Variants in CACNG6 observed in about 807,000 individuals in gnomAD.
CACNG6 encodes voltage-dependent calcium channel gamma-6 subunit.
A neutral mutation model predicts 23.9 loss-of-function variants in CACNG6; 21 were observed. The observed-to-expected ratio is 0.88, with a 90% CI of 0.62 to 1.26. The LOEUF is 1.26. CACNG6 is among the 50% of genes most tolerant of loss of function. The pLI, the probability that CACNG6 is intolerant of heterozygous loss-of-function variation, is 0.00. For synonymous variants in CACNG6, 182 were observed against 168.9 expected, an observed-to-expected ratio of 1.08 and a Z score of -0.60; for missense variants, 340 against 352.9, an observed-to-expected ratio of 0.96 and a Z score of 0.29.
Position 54,003,366 on chromosome 19 carries a change from T to G in CACNG6, c.544+3595T>G, listed in dbSNP as rs550275281. Among the ~76,000 whole-genome samples the G allele has an allele frequency of 2.1e-4, 32 of 152,240 alleles. 1 individual carries two copies. The highest frequency in any genetic ancestry group is 2.8e-4 in the Non-Finnish European group (19 of 68,030). On this transcript the variant is annotated intron_variant, in intron 3 of 3. Transcript: ENST00000252729. ...CCGCATGCCTTTTTATTTATTTTATTTATTTTTTATTTTTGAGACAGTTTT... is the reference window on the plus strand; with the variant it reads ...CCGCATGCCTTTTTATTTATTTTATGTATTTTTTATTTTTGAGACAGTTTT...
chr19:54,011,001 T>C (rs2069700396), intron 3 of CACNG6, among the ~76,000 whole-genome samples: 1 of 151,522 alleles, frequency 6.6e-6, no homozygotes, highest in South Asian at 2.1e-4. Context: ...TATCCACCTC[T>C]TCAAACTTGA....
chr19:53,999,402 A>G lies in CACNG6; in HGVS notation c.407-232A>G, dbSNP rs578107216. On this transcript the variant is annotated intron_variant, in intron 2 of 3. Coordinates refer to ENST00000252729, the MANE Select transcript of CACNG6 (RefSeq NM_145814.2). Reference sequence around the variant, plus strand: ...TAGTTGGTAATTCTCAACTCTTTCTAATCCTGGCCCTCTCCTCCCTTTGCT... The same window carrying G: ...TAGTTGGTAATTCTCAACTCTTTCTGATCCTGGCCCTCTCCTCCCTTTGCT... Among the ~76,000 whole-genome samples, 7 of 152,312 alleles carry G rather than the reference A, an allele frequency of 4.6e-5. No homozygotes were observed. The South Asian group carries it at 1.5e-3, about 32-fold the overall frequency.
intron 3 of CACNG6, among the ~76,000 whole-genome samples, chr19:54,009,646 C>T (rs1174854737): frequency 1.3e-5 from 2 of 152,018 alleles, no homozygotes; most frequent in East Asian, 1.9e-4. Context: ...TACACTTTCT[C>T]ATGCCCCCTG....
chr19:54,006,526 T>C (rs956931640), intron 3 of CACNG6, among the ~76,000 whole-genome samples: 5 of 132,064 alleles, frequency 3.8e-5, no homozygotes, highest in Non-Finnish European at 7.8e-5. Context: ...TCTTTTCTTT[T>C]TTTTTTTTTT....
At chr19:53,995,659 C>G (rs2069513430) in intron 1 of CACNG6, among the ~76,000 whole-genome samples, 1 of 152,210 alleles carries the variant, frequency 6.6e-6, no homozygotes, top group South Asian at 2.1e-4. Context: ...ACGTGAAGCA[C>G]CCTTTACCTC....
chr19:54,010,145 C>G (rs923900788), intron 3 of CACNG6, among the ~76,000 whole-genome samples: 1 of 150,532 alleles, frequency 6.6e-6, no homozygotes, highest in Non-Finnish European at 1.5e-5. Flanking sequence ...CTCAGCCTCC[C>G]GAGTAGCTGG....
intron 1 of CACNG6, among the ~76,000 whole-genome samples, chr19:53,995,442 G>A (rs1178597986): frequency 6.6e-6 from 1 of 152,162 alleles, no homozygotes; most frequent in African/African-American, 2.4e-5. Context: ...TATGGAATGT[G>A]GGGGTGACCC....
intron 1 of CACNG6, among the ~76,000 whole-genome samples, chr19:53,995,693 C>T (rs149464526): frequency 6.6e-6 from 1 of 152,356 alleles, no homozygotes; most frequent in East Asian, 1.9e-4. Flanking sequence ...TGGAGTTTTG[C>T]TCTTGTTGCC....
chr19:53,999,767 C>G lies in CACNG6; in HGVS notation c.540C>G (p.Leu180=), dbSNP rs765070116. ...GAGTTGGAGCCGTCTGCTTTGGCCTCTCAGGTGAGGGTTCAGAGCCTGGAG... is the reference window on the plus strand; with the variant it reads ...GAGTTGGAGCCGTCTGCTTTGGCCTGTCAGGTGAGGGTTCAGAGCCTGGAG... The part of the protein sequence containing the change: ...LLRVGAVCFG[L]SGLLLLVSLE... The change falls in exon 3 of 4, where the codon CTC becomes CTG. Residue 180 remains leucine, a synonymous_variant. Coordinates refer to ENST00000252729, the MANE Select transcript of CACNG6 (RefSeq NM_145814.2). 1.2e-6 allele frequency: 2 copies of G among 1,613,760 alleles called. No homozygotes were observed. Among genetic ancestry groups the G allele is most frequent in the Non-Finnish European group, 1.7e-6 (2 of 1,179,968 alleles).
intron 1 of CACNG6, among the ~76,000 whole-genome samples, chr19:53,995,514 T>TA (rs1364549915): frequency 1.3e-5 from 2 of 152,158 alleles, no homozygotes; most frequent in Non-Finnish European, 2.9e-5. Context: ...TGGGATGTGC[T>TA]AAACTATTAG....
At chr19:54,005,942 T>C (rs547204762) in intron 3 of CACNG6, among the ~76,000 whole-genome samples, 70 of 151,386 alleles carry the variant, frequency 4.6e-4, no homozygotes, top group African/African-American at 1.7e-3. Flanking sequence ...ATACAAAAAT[T>C]AGCTGGGCGT....
chr19:54,005,414 G>T (rs1337324785), intron 3 of CACNG6, among the ~76,000 whole-genome samples: 5 of 141,956 alleles, frequency 3.5e-5, no homozygotes, highest in African/African-American at 1.3e-4. Flanking sequence ...ACAAAAACTA[G>T]CTAGTCTCAT....
chr19:54,001,252 A>T lies in CACNG6; in HGVS notation c.544+1481A>T, dbSNP rs543739134. ...TGCCCACGCTGGAGTGCAGTGGCAC[A>T]ATCTCAGCTCACTGCAACCTCCGCC... On this transcript the variant is annotated intron_variant, in intron 3 of 3. Transcript: ENST00000252729. 3.3e-5 allele frequency among the ~76,000 whole-genome samples: 5 copies of T among 150,738 alleles called. No individual in the cohort carries two copies. The South Asian group carries it at 1.1e-3, about 32-fold the overall frequency.
rs765496615 is a variant in CACNG6, at chr19:54,012,125, T to A, written c.719T>A (p.Leu240Gln). The change falls in exon 4 of 4, where the codon CTG (leucine) becomes CAG (glutamine). Residue 240 changes from leucine to glutamine, a missense_variant. Physicochemically the swap from Leu to Gln is moderately radical, Grantham distance 113. Coordinates refer to ENST00000252729, the MANE Select transcript of CACNG6 (RefSeq NM_145814.2). ...ILLLGAGCFLLLTLPSWPWGS... is the reference protein window; with the variant it reads ...ILLLGAGCFLQLTLPSWPWGS... ...CTGTTGGGGGCCGGCTGCTTTCTGC[T>A]GCTCACACTGCCTTCCTGGCCCTGG... is the stretch of plus-strand genomic sequence containing the variant. 1.5e-5 allele frequency: 23 copies of A among 1,551,998 alleles called. No homozygotes were observed. In the South Asian group the frequency reaches 2.8e-4, roughly 19 times the overall value.
intron 3 of CACNG6, 50 bp from the exon 4 acceptor site, chr19:54,011,899 GAC>G: frequency 7.6e-7 from 1 of 1,312,410 alleles, no homozygotes; most frequent in Non-Finnish European, 1.0e-6. Flanking sequence ...GAGATGTTCA[GAC>G]ACAGCTGGGG....
At chr19:53,998,391 T>TC in intron 2 of CACNG6, 78 bp downstream of exon 2, 1 of 1,290,166 alleles carries the variant, frequency 7.8e-7, no homozygotes, top group South Asian at 1.2e-5. Flanking sequence ...GAGAGAGTTA[T>TC]CCCCTCCTCT....
intron 3 of CACNG6, among the ~76,000 whole-genome samples, chr19:54,003,470 C>T (rs939648282): frequency 1.4e-4 from 21 of 152,124 alleles, no homozygotes; most frequent in Non-Finnish European, 2.9e-4. Context: ...CAGCGATTCT[C>T]CTGCCACAGC....
intron 3 of CACNG6, among the ~76,000 whole-genome samples, chr19:54,002,275 G>GTA (rs2069585118): frequency 8.6e-6 from 1 of 116,436 alleles, no homozygotes; most frequent in Non-Finnish European, 1.6e-5. Context: ...CGGTTTTTTT[G>GTA]TTTTTTTTGT....
chr19:54,005,247 A>AAATAAAT (rs924559193), intron 3 of CACNG6, among the ~76,000 whole-genome samples: 68 of 120,380 alleles, frequency 5.6e-4, no homozygotes, highest in African/African-American at 1.8e-3. Flanking sequence ...ATAAATAAAT[A>AAATAAAT]AATAATAATA....
Sources: gnomAD v4.1 joint callset for allele counts (sites outside exome capture counted in the v4.1 genomes callset) on GRCh38, gnomAD v4.1.1 for gene constraint, MANE v1.5 for transcripts, NCBI Gene and HGNC (gene_info 2026-07-23, HGNC 2026-07-21) for gene names.